SPG7: variants seen among roughly 807,000 people sequenced by gnomAD.
SPG7 encodes the protein SPG7 matrix AAA peptidase subunit, paraplegin.
A neutral mutation model predicts 81.9 loss-of-function variants in SPG7; 103 were observed. The observed-to-expected ratio is 1.26, with a 90% CI of 1.07 to 1.48. The LOEUF (loss-of-function observed/expected upper bound fraction) is 1.48. Ranked by LOEUF, SPG7 falls within the 40% of genes most tolerant of loss-of-function variation. The probability of loss-of-function intolerance (pLI) is 0.00; values close to 1 mark genes in which losing one functional copy is unlikely to be tolerated. For synonymous variants in SPG7, 534 were observed against 444.2 expected (o/e 1.20, Z -2.54); for missense variants, 1,241 against 1,087.3 (o/e 1.14, Z -1.99).
chr16:89,516,137 A>T (rs1168140724), intron 3 of SPG7, among the ~76,000 whole-genome samples: 1 of 152,028 alleles, frequency 6.6e-6, no homozygotes, highest in Admixed American at 6.6e-5. Flanking sequence ...ACAGGCATGC[A>T]ACACCAAGCC....
chr16:89,543,270 C>G (rs1413335200), intron 9 of SPG7: 3 of 148,296 alleles, frequency 2.0e-5, no homozygotes, highest in African/African-American at 7.5e-5. Context: ...ACATTAGTCA[C>G]GGGTCCTGTT....
chr16:89,512,711 TTAAG>T (rs1313514127), intron 2 of SPG7, among the ~76,000 whole-genome samples: 12 of 152,242 alleles, frequency 7.9e-5, no homozygotes, highest in African/African-American at 1.9e-4. Context: ...CATTAGCAAT[TTAAG>T]TAGCAAAGAT....
chr16:89,531,212 C>T (rs2058338011), intron 7 of SPG7: 1 of 350,080 alleles, frequency 2.9e-6, no homozygotes, highest in Middle Eastern at 1.0e-3. Context: ...GTCCTGGCAC[C>T]TCGAGGGGCT....
At position 89,557,356 on chromosome 16, in the gene SPG7, T is replaced by TC. The variant is rs1341215997; in HGVS notation, c.*264dup. On this transcript the variant is annotated 3_prime_UTR_variant, in exon 17 of 17. Coordinates refer to ENST00000645818, the MANE Select transcript of SPG7 (RefSeq NM_003119.4). ...GCTTCCCGAGTGAGCATGGAACACTTCGAGTTCCCAGGGTTATAGACAGTC... is the reference window on the plus strand; with the variant it reads ...GCTTCCCGAGTGAGCATGGAACACTTCCGAGTTCCCAGGGTTATAGACAGTC... The TC allele has an allele frequency of 7.8e-6, 4 of 515,876 alleles. No individual in the cohort carries two copies. In the Admixed American group the frequency reaches 1.3e-4, roughly 17 times the overall value. The allele number at this position is 515,876 out of a possible 1,614,324, so 32.0% of individuals were successfully genotyped here.
chr16:89,553,813 G>T lies in SPG7; in HGVS notation c.1956G>T (p.Arg652Ser), dbSNP rs943240329. Residue 652 changes from arginine (R) to serine (S), a missense_variant, in exon 15 of 17, where the codon AGG (arginine) becomes AGT (serine). Transcript: ENST00000645818. ...EVTSGAQDDL[R>S]KVTRIAYSMV... ...CTCCAGGGGCACAGGACGACCTGAG[G>T]AAGGTCACCCGCATCGCCTACTCCA... 1 of 1,613,546 alleles carries T rather than the reference G, an allele frequency of 6.2e-7. No homozygotes were observed. Among genetic ancestry groups the T allele is most frequent in the African/African-American group, 1.3e-5 (1 of 75,074 alleles).
intron 16 of SPG7, chr16:89,556,320 C>T (rs74037223): frequency 5.3e-6 from 2 of 375,364 alleles, no homozygotes; most frequent in Non-Finnish European, 9.4e-6. Context: ...ACAACAACAA[C>T]AAAAAATCTG....
chr16:89,546,523 C>T (rs1156925896), intron 10 of SPG7, 135 bp from the exon 11 acceptor site: 1 of 764,582 alleles, frequency 1.3e-6, no homozygotes, highest in Non-Finnish European at 2.4e-6. Context: ...ACTAAAAATA[C>T]AAAACTCAGG....
chr16:89,530,209 A>G, intron 6 of SPG7: 1 of 311,378 alleles, frequency 3.2e-6, no homozygotes, highest in South Asian at 2.8e-5. Flanking sequence ...CAGTGGTGCG[A>G]TCTCAGCTCA....
At chr16:89,526,759 T>C (rs2058266919) in intron 5 of SPG7, 1 of 389,992 alleles carries the variant, frequency 2.6e-6, no homozygotes, top group African/African-American at 2.1e-5. Flanking sequence ...CTGATGTAGA[T>C]GCCGAAGTCT....
At chr16:89,523,875 G>T (rs747192253) in intron 3 of SPG7, 131 bp from the exon 4 acceptor site, 10 of 1,139,986 alleles carry the variant, frequency 8.8e-6, no homozygotes, top group Non-Finnish European at 1.2e-5. Context: ...AGAATTGGAG[G>T]AAGTGCAGGA....
At chr16:89,509,871 C>T (rs1160041700) in intron 1 of SPG7, among the ~76,000 whole-genome samples, 1 of 149,580 alleles carries the variant, frequency 6.7e-6, no homozygotes, top group Non-Finnish European at 1.5e-5. Context: ...TCCCTGAAGC[C>T]TCTGCCTCCT....
At chr16:89,524,390 C>T in intron 4 of SPG7, 143 bp downstream of exon 4, 2 of 941,440 alleles carry the variant, frequency 2.1e-6, no homozygotes, top group South Asian at 1.6e-5. Context: ...TGAGGGCATG[C>T]TTCTTTCTCA....
chr16:89,508,531 G>A lies in SPG7; in HGVS notation c.114G>A (p.Gly38=). The stretch of plus-strand genomic sequence containing the variant: ...GTCCAGGGTTCCCCGCCAGGCCCGG[G>A]AGGGGGCGGCCGTACATGGCCAGCA... ...AWSPGFPARP[G]RGRPYMASRP... is the part of the protein sequence containing the mutation. Residue 38 remains glycine, a synonymous_variant, in exon 1 of 17, where the codon GGG becomes GGA. Transcript: ENST00000645818. 2.6e-6 allele frequency: 4 copies of A among 1,513,496 alleles called. 1 individual carries two copies. The allele number at this position is 1,513,496 out of a possible 1,614,324, so 93.8% of individuals were successfully genotyped here.
intron 1 of SPG7, among the ~76,000 whole-genome samples, chr16:89,509,882 G>A (rs913864553): frequency 6.8e-5 from 10 of 146,880 alleles, no homozygotes; most frequent in African/African-American, 2.5e-4. Flanking sequence ...TCTGCCTCCT[G>A]GGCCCAAGCA....
chr16:89,552,908 A>C, intron 13 of SPG7, 71 bp from the exon 14 acceptor site: 6 of 1,468,614 alleles, frequency 4.1e-6, no homozygotes, highest in Non-Finnish European at 5.7e-6. Context: ...GAGACCTCTT[A>C]GTCCCACACC....
intron 4 of SPG7, among the ~76,000 whole-genome samples, chr16:89,524,497 G>T (rs959929090): frequency 6.6e-6 from 1 of 152,176 alleles, no homozygotes; most frequent in African/African-American, 2.4e-5. Context: ...AGGCTGAAGC[G>T]CAGTGATGTG....
At position 89,524,219 on chromosome 16, in the gene SPG7, AC is replaced by A; in HGVS notation, c.593del (p.Pro198LeufsTer11). 1 of 1,612,396 alleles carries A rather than the reference AC, an allele frequency of 6.2e-7. No individual in the cohort carries two copies. The highest frequency in any genetic ancestry group is 8.5e-7 in the Non-Finnish European group (1 of 1,179,474). On this transcript the variant is annotated frameshift_variant, in exon 4 of 17. Transcript: ENST00000645818. LOFTEE classifies it high-confidence loss of function. ...AGCGACGTGGTGGAAGTCTACCTGC[AC>A]CCTGGAGCCGTGGTGTTTGGGCGGC... ...PESDVVEVYL[H>X]PGAVVFGRPR...
chr16:89,557,434 A>G lies in SPG7; in HGVS notation c.*341A>G, dbSNP rs772338990. 3.1e-5 allele frequency: 11 copies of G among 355,336 alleles called. No homozygotes were observed. Among genetic ancestry groups the G allele is most frequent in the Admixed American group, 1.3e-4 (3 of 23,130 alleles). The allele number at this position is 355,336 out of a possible 1,614,324, so 22.0% of individuals were successfully genotyped here. A position where few individuals can be genotyped will look rare whatever the true frequency, so the allele number is the denominator to read the frequency against. ...AGGCAGCAGAGCATTCAGACTCCAA[A>G]CAGACCCCTGTTCATGCCGACGCTT... On this transcript the variant is annotated 3_prime_UTR_variant, in exon 17 of 17. Coordinates refer to ENST00000645818, the MANE Select transcript of SPG7 (RefSeq NM_003119.4).
At chr16:89,511,551 G>T (rs773198197) in intron 2 of SPG7, among the ~76,000 whole-genome samples, 3 of 152,244 alleles carry the variant, frequency 2.0e-5, no homozygotes, top group Non-Finnish European at 4.4e-5. Flanking sequence ...TCTGCTGTCA[G>T]TGTTTAACGT....
Sources: allele counts gnomAD v4.1 joint callset (sites outside exome capture counted in the v4.1 genomes callset), GRCh38; gene constraint gnomAD v4.1.1; transcripts MANE v1.5; gene names NCBI Gene and HGNC (gene_info 2026-07-23, HGNC 2026-07-21).